PCDHGA7: variants seen among roughly 807,000 people sequenced by gnomAD.
The protein encoded by PCDHGA7 is protocadherin gamma-A7.
In PCDHGA7, 44 loss-of-function variants were observed where a neutral mutation model predicts 58.3. That is an observed-to-expected ratio of 0.75 (90% CI 0.59 to 0.97). The LOEUF is 0.97. PCDHGA7 is among the 50% of genes least tolerant of loss of function. The pLI is 0.00. For missense variants in PCDHGA7, 1,266 were observed against 1,188.7 expected, an observed-to-expected ratio of 1.06 and a Z score of -0.96; for synonymous variants, 516 against 504.2, an observed-to-expected ratio of 1.02 and a Z score of -0.31.
chr5:141,408,509 G>T, intron 1 of PCDHGA7: 1 of 1,614,048 alleles, frequency 6.2e-7, no homozygotes, highest in Non-Finnish European at 8.5e-7. Flanking sequence ...AAGAAGATGT[G>T]AGTTGCAATT....
intron 1 of PCDHGA7, chr5:141,430,959 T>A: frequency 6.2e-7 from 1 of 1,612,026 alleles, no homozygotes; most frequent in Non-Finnish European, 8.5e-7. Flanking sequence ...GTCCGCATCA[T>A]CCCCAGAGGT....
intron 1 of PCDHGA7, among the ~76,000 whole-genome samples, chr5:141,434,285 T>G (rs1358981946): frequency 6.6e-6 from 1 of 152,232 alleles, no homozygotes; most frequent in Non-Finnish European, 1.5e-5. Context: ...GTATTCTCTG[T>G]TTTTCCTGTA....
Position 141,420,095 on chromosome 5 carries a change from G to A in PCDHGA7, c.2424+34772G>A, listed in dbSNP as rs1382286285. 2.5e-6 allele frequency: 4 copies of A among 1,613,882 alleles called. No individual in the cohort carries two copies. Among genetic ancestry groups the A allele is most frequent in the Admixed American group, 1.7e-5 (1 of 60,010 alleles). ...TGTGGGTCCCCCCAACTACAGTGAGGGAACGTTGCCCTATGCCTATAATTT... is the reference window on the plus strand; with the variant it reads ...TGTGGGTCCCCCCAACTACAGTGAGAGAACGTTGCCCTATGCCTATAATTT... On this transcript the variant is annotated intron_variant, in intron 1 of 3. Coordinates refer to ENST00000518325, the MANE Select transcript of PCDHGA7 (RefSeq NM_018920.4).
chr5:141,450,183 A>G (rs1461369835), intron 1 of PCDHGA7, among the ~76,000 whole-genome samples: 1 of 151,558 alleles, frequency 6.6e-6, no homozygotes, highest in Non-Finnish European at 1.5e-5. Context: ...ACACCCAGCT[A>G]ATTTTTGTAT....
intron 1 of PCDHGA7, chr5:141,427,790 C>G: frequency 6.7e-7 from 1 of 1,482,224 alleles, no homozygotes; most frequent in South Asian, 1.1e-5. Flanking sequence ...TGTCGTCCTA[C>G]GTGTCCGTGA....
At chr5:141,389,640 G>A in intron 1 of PCDHGA7, 1 of 1,612,974 alleles carries the variant, frequency 6.2e-7, no homozygotes, top group Non-Finnish European at 8.5e-7. Flanking sequence ...TGGCTACTTG[G>A]TGACCAAGGT....
Position 141,490,013 on chromosome 5 carries a change from G to A in PCDHGA7, c.2425-4794G>A. 6.2e-7 allele frequency: 1 copy of A among 1,614,206 alleles called. No individual in the cohort carries two copies. The highest frequency in any genetic ancestry group is 1.1e-5 in the South Asian group (1 of 91,088). Reference sequence around the variant, plus strand: ...GGAATCCCAGAGAATGCACCCATTGGTACTCTGCTGCTCCGCCTCAATGCC... The same window carrying A: ...GGAATCCCAGAGAATGCACCCATTGATACTCTGCTGCTCCGCCTCAATGCC... On this transcript the variant is annotated intron_variant, in intron 1 of 3. Transcript: ENST00000518325. This position sits in a 1 kb window ranked among gnomAD's most constrained non-coding sequence, Gnocchi z 5.4.
intron 2 of PCDHGA7, among the ~76,000 whole-genome samples, chr5:141,496,841 G>C (rs2099771828): frequency 6.6e-6 from 1 of 151,398 alleles, no homozygotes; most frequent in South Asian, 2.1e-4. Context: ...GAACTCATAG[G>C]CTTCCAGACC....
intron 1 of PCDHGA7, chr5:141,403,746 C>G (rs773668506): frequency 1.2e-6 from 2 of 1,613,904 alleles, no homozygotes; most frequent in Non-Finnish European, 8.5e-7. Flanking sequence ...CTTACTGCAA[C>G]AGCCAGCGAC....
At chr5:141,474,965 A>G (rs1268347441) in intron 1 of PCDHGA7, among the ~76,000 whole-genome samples, 1 of 152,236 alleles carries the variant, frequency 6.6e-6, no homozygotes, top group Non-Finnish European at 1.5e-5. Context: ...TATCCTAATC[A>G]TTATAATTTT....
At chr5:141,461,740 G>T (rs770518286) in intron 1 of PCDHGA7, among the ~76,000 whole-genome samples, 1 of 152,072 alleles carries the variant, frequency 6.6e-6, no homozygotes, top group African/African-American at 2.4e-5. Context: ...GCACAATCCC[G>T]GCTCCCAGAT....
chr5:141,403,809 A>C (rs1242181843), intron 1 of PCDHGA7: 1 of 1,613,904 alleles, frequency 6.2e-7, no homozygotes, highest in South Asian at 1.1e-5. Flanking sequence ...AAAATTAATG[A>C]AAAACAATCT....
intron 1 of PCDHGA7, chr5:141,394,844 T>C (rs2093111751): frequency 6.2e-7 from 1 of 1,613,752 alleles, no homozygotes. Context: ...AGTTGGGCAG[T>C]CTGAAGCCTT....
chr5:141,409,577 G>A, intron 1 of PCDHGA7: 1 of 1,613,920 alleles, frequency 6.2e-7, no homozygotes, highest in South Asian at 1.1e-5. Context: ...GTCCTACGTG[G>A]TCCACGTGGC....
At chr5:141,410,668 T>C in intron 1 of PCDHGA7, 2 of 1,565,640 alleles carry the variant, frequency 1.3e-6, no homozygotes, top group African/African-American at 2.7e-5. Context: ...TCTACTAGTT[T>C]CTCATATTTT....
intron 3 of PCDHGA7, 89 bp from the exon 4 acceptor site, chr5:141,510,858 T>G: frequency 6.2e-7 from 1 of 1,606,182 alleles, no homozygotes; most frequent in Non-Finnish European, 8.5e-7. Context: ...GGGTGCTGTA[T>G]AGGCATTCAT....
At chr5:141,480,873 C>T (rs1026513782) in intron 1 of PCDHGA7, among the ~76,000 whole-genome samples, 5 of 152,050 alleles carry the variant, frequency 3.3e-5, no homozygotes, top group Non-Finnish European at 7.4e-5. Context: ...GGTGAAACCC[C>T]GTCTCTACTA....
In PCDHGA7 at chr5:141,415,152, C is replaced by G. The variant is rs758450562; in HGVS notation, c.2424+29829C>G. ...AGGACCACGGCCAGCCCCCTCTCTCCGCCACTGTCACGCTCACCGTGGCCG... is the reference window on the plus strand; with the variant it reads ...AGGACCACGGCCAGCCCCCTCTCTCGGCCACTGTCACGCTCACCGTGGCCG... On this transcript the variant is annotated intron_variant, in intron 1 of 3. Transcript: ENST00000518325. The G allele has an allele frequency of 1.9e-6, 3 of 1,613,812 alleles. No individual in the cohort carries two copies. In the Admixed American group the frequency reaches 5.0e-5, roughly 27 times the overall value.
At position 141,489,077 on chromosome 5, in the gene PCDHGA7, C is replaced by T. The variant is rs957205894; in HGVS notation, c.2425-5730C>T. 7 of 325,682 alleles carry T rather than the reference C, an allele frequency of 2.1e-5. 1 individual carries two copies. Among genetic ancestry groups the T allele is most frequent in the South Asian group, 1.5e-4 (3 of 20,214 alleles). 20.2% of individuals were successfully genotyped at this position (325,682 alleles called of 1,614,324 possible). The stretch of plus-strand genomic sequence containing the variant: ...AGCTCCCCTCCCCCCTGCCCACCCC[C>T]GCCACTCGGTGACTAAGAACTGCTG... On this transcript the variant is annotated intron_variant, in intron 1 of 3. Transcript: ENST00000518325. This position sits in a 1 kb window ranked among gnomAD's most constrained non-coding sequence, Gnocchi z 4.5.
Sources: allele counts gnomAD v4.1 joint callset (sites outside exome capture counted in the v4.1 genomes callset), GRCh38; gene constraint gnomAD v4.1.1; non-coding constraint Gnocchi (gnomAD v3.1); transcripts MANE v1.5; gene names NCBI Gene and HGNC (gene_info 2026-07-23, HGNC 2026-07-21).